Variants in AKT3 observed in about 807,000 individuals in gnomAD.
AKT3 encodes the protein RAC-gamma serine/threonine-protein kinase.
AKT3 carries 15 observed loss-of-function variants against 65.3 expected under a neutral mutation model. That is an observed-to-expected ratio of 0.23 (90% CI 0.15 to 0.35). The LOEUF (loss-of-function observed/expected upper bound fraction) is 0.35, where lower values mean the gene tolerates loss of function less well. AKT3 is among the 10% of genes least tolerant of loss of function. The pLI is 1.00. For synonymous variants in AKT3, 206 were observed against 183.8 expected (o/e 1.12, Z -0.98); for missense variants, 243 against 576.5 (o/e 0.42, Z 5.92).
chr1:243,538,860 GA>G (rs1485450205), intron 12 of AKT3, among the ~76,000 whole-genome samples: 2 of 151,434 alleles, frequency 1.3e-5, no homozygotes, highest in Non-Finnish European at 2.9e-5. Context: ...AAAAAAAGAT[GA>G]GGTAAATTCA....
At chr1:243,839,786 A>C (rs144375091) in intron 2 of AKT3, among the ~76,000 whole-genome samples, 99 of 152,206 alleles carry the variant, frequency 6.5e-4, no homozygotes, top group African/African-American at 2.0e-3. Flanking sequence ...ACTAATATTC[A>C]AAGTAATAAC....
chr1:243,501,067 G>A lies in AKT3; in HGVS notation c.*4182C>T, dbSNP rs1669251214. On this transcript the variant is annotated 3_prime_UTR_variant, in exon 14 of 14. Coordinates refer to ENST00000673466, the MANE Select transcript of AKT3 (RefSeq NM_005465.7). ...GTGGTTTTGAGAGAAGAGCACATGT[G>A]AGAATGCCCTCAAATTTGGCCGTGT... 4.3e-6 allele frequency: 1 copy of A among 230,766 alleles called. No individual in the cohort carries two copies. Among genetic ancestry groups the A allele is most frequent in the Non-Finnish European group, 8.6e-6 (1 of 116,656 alleles). 14.3% of individuals were successfully genotyped at this position (230,766 alleles called of 1,614,324 possible).
At chr1:243,729,256 G>A (rs1687398630) in intron 2 of AKT3, among the ~76,000 whole-genome samples, 1 of 152,074 alleles carries the variant, frequency 6.6e-6, no homozygotes, top group Non-Finnish European at 1.5e-5. Flanking sequence ...TGTCAAGAGG[G>A]GGCTTTTCTT....
At chr1:243,521,068 A>G (rs944398878) in intron 12 of AKT3, among the ~76,000 whole-genome samples, 5 of 152,212 alleles carry the variant, frequency 3.3e-5, no homozygotes, top group African/African-American at 1.2e-4. Context: ...GTCACGTGCT[A>G]CTATCAGATA....
intron 2 of AKT3, among the ~76,000 whole-genome samples, chr1:243,733,487 T>C (rs916161539): frequency 2.6e-5 from 4 of 152,206 alleles, no homozygotes; most frequent in African/African-American, 7.2e-5. Context: ...TGTAACTACA[T>C]TGCACACGGA....
At position 243,605,817 on chromosome 1, in the gene AKT3, C is replaced by T. The variant is rs145943320; in HGVS notation, c.696+7854G>A. Among the ~76,000 whole-genome samples, 1,159 of 152,292 alleles carry T rather than the reference C, an allele frequency of 7.6e-3. 8 individuals are homozygous for T. Among genetic ancestry groups the T allele is most frequent in the Non-Finnish European group, 0.013 (889 of 68,026 alleles). ...GGCAGATATGGTTTGGCTGTGTTCC[C>T]ACCCAAATCTCATCTTGAACTGTAG... On this transcript the variant is annotated intron_variant, in intron 8 of 13. Coordinates refer to ENST00000673466, the MANE Select transcript of AKT3 (RefSeq NM_005465.7).
At position 243,640,490 on chromosome 1, in the gene AKT3, C is replaced by A. The variant is rs981675831; in HGVS notation, c.430-2748G>T. 2.0e-5 allele frequency among the ~76,000 whole-genome samples: 3 copies of A among 152,164 alleles called. No homozygotes were observed. In the East Asian group the frequency reaches 5.8e-4, roughly 29 times the overall value. The stretch of plus-strand genomic sequence containing the variant: ...GCCAGTAACAGACAAAGCCTTTAAG[C>A]CTGGCAGTTTATGCGTTCTCTCTCT... On this transcript the variant is annotated intron_variant, in intron 5 of 13. Coordinates refer to ENST00000673466, the MANE Select transcript of AKT3 (RefSeq NM_005465.7).
downstream of AKT3, among the ~76,000 whole-genome samples, chr1:243,494,972 T>C (rs1294665900): frequency 6.6e-6 from 1 of 152,248 alleles, no homozygotes; most frequent in African/African-American, 2.4e-5. Context: ...GAGGCTCCAC[T>C]CTCTGCTGTT....
chr1:243,774,374 G>A (rs1182861108), intron 2 of AKT3, among the ~76,000 whole-genome samples: 1 of 152,090 alleles, frequency 6.6e-6, no homozygotes, highest in East Asian at 1.9e-4. Context: ...ACAGCTTTGA[G>A]TTAATGTCTA....
rs150779500 is a variant in AKT3, at chr1:243,847,102, A to G, written c.-113+2938T>C. 2.0e-4 allele frequency among the ~76,000 whole-genome samples: 30 copies of G among 152,314 alleles called. No homozygotes were observed. The East Asian group carries it at 5.8e-3, about 29-fold the overall frequency. ...ATGCTGTGTGACCAGGATTTAAAAT[A>G]CTGATGCACATGCTGAAACCTGGAG... On this transcript the variant is annotated intron_variant, in intron 1 of 13. Coordinates refer to ENST00000673466, the MANE Select transcript of AKT3 (RefSeq NM_005465.7).
intron 2 of AKT3, 41 bp downstream of exon 2, chr1:243,843,084 C>G: frequency 6.2e-7 from 1 of 1,609,322 alleles, no homozygotes; most frequent in Non-Finnish European, 8.5e-7. Flanking sequence ...ACTGCTAGCA[C>G]TCTTACCAAC....
Position 243,850,096 on chromosome 1 carries a change from A to T in AKT3, c.-169T>A. The T allele has an allele frequency of 7.2e-6, 1 of 139,842 alleles. No individual in the cohort carries two copies. The highest frequency in any genetic ancestry group is 1.2e-5 in the Non-Finnish European group (1 of 85,430). 8.7% of individuals were successfully genotyped at this position (139,842 alleles called of 1,614,324 possible). ...GCAGCTGCTCGGGCGGCGGCGGAGGATGGAGCCGGGGGGGGGCGGGGGGAG... is the reference window on the plus strand; with the variant it reads ...GCAGCTGCTCGGGCGGCGGCGGAGGTTGGAGCCGGGGGGGGGCGGGGGGAG... On this transcript the variant is annotated 5_prime_UTR_variant, in exon 1 of 14. Transcript: ENST00000673466.
chr1:243,505,525 T>G (rs1669612910), intron 13 of AKT3, among the ~76,000 whole-genome samples, 191 bp from the exon 14 acceptor site: 1 of 152,182 alleles, frequency 6.6e-6, no homozygotes, highest in African/African-American at 2.4e-5. Flanking sequence ...ATACATAGTC[T>G]ATGAAGAAAT....
At chr1:243,642,666 C>T (rs1466975246) in intron 5 of AKT3, among the ~76,000 whole-genome samples, 1 of 151,998 alleles carries the variant, frequency 6.6e-6, no homozygotes, top group Non-Finnish European at 1.5e-5. Flanking sequence ...AAATAATCCT[C>T]CTCCAAAGCC....
chr1:243,693,535 G>A (rs562561105), intron 3 of AKT3, among the ~76,000 whole-genome samples: 2 of 151,696 alleles, frequency 1.3e-5, no homozygotes, highest in South Asian at 4.2e-4. Flanking sequence ...CCACCCCACA[G>A]AATCACAGAA....
chr1:243,722,221 C>A (rs146334487), intron 2 of AKT3, among the ~76,000 whole-genome samples: 2 of 152,010 alleles, frequency 1.3e-5, no homozygotes, highest in African/African-American at 2.4e-5. Context: ...GACTAGACTG[C>A]GAGCTTAAGG....
chr1:243,831,506 C>T (rs1694505185), intron 2 of AKT3, among the ~76,000 whole-genome samples: 1 of 152,086 alleles, frequency 6.6e-6, no homozygotes, highest in African/African-American at 2.4e-5. Context: ...ACCAAAAACA[C>T]AGAAAATTAG....
intron 3 of AKT3, among the ~76,000 whole-genome samples, chr1:243,694,523 G>A (rs541915249): frequency 6.6e-6 from 1 of 151,424 alleles, no homozygotes; most frequent in South Asian, 2.1e-4. Context: ...TATAAACAGA[G>A]AAAGCTTTTT....
chr1:243,745,464 C>T (rs1328196986), intron 2 of AKT3, among the ~76,000 whole-genome samples: 2 of 152,278 alleles, frequency 1.3e-5, no homozygotes, highest in Non-Finnish European at 2.9e-5. Flanking sequence ...TGATTTTGGT[C>T]AATCCTCCTT....
Sources: gnomAD v4.1 joint callset for allele counts (sites outside exome capture counted in the v4.1 genomes callset) on GRCh38, gnomAD v4.1.1 for gene constraint, MANE v1.5 for transcripts, NCBI Gene and HGNC (gene_info 2026-07-23, HGNC 2026-07-21) for gene names.